F5: variants seen among roughly 807,000 people sequenced by gnomAD.
The protein encoded by F5 is coagulation factor V.
Under a neutral mutation model 216.4 loss-of-function variants are expected in F5, and 138 were observed. The ratio of observed to expected loss-of-function variants is 0.64; its 90% CI spans 0.56 to 0.73. F5 has a LOEUF of 0.73. Among genes scored for constraint, F5 ranks in the 30% least tolerant of loss-of-function variants. The pLI, the probability that F5 is intolerant of heterozygous loss-of-function variation, is 0.00. For synonymous variants in F5, 916 were observed against 930.7 expected, an observed-to-expected ratio of 0.98 and a Z score of 0.29; for missense variants, 2,403 against 2,674.0, an observed-to-expected ratio of 0.90 and a Z score of 2.24.
In F5 at chr1:169,530,853, T is replaced by A; in HGVS notation, c.5141A>T (p.Glu1714Val). The change falls in exon 15 of 25, where the codon GAG becomes GTG. Residue 1714 changes from glutamate (E) to valine (V), a missense_variant. Glu to Val is a moderately radical substitution (Grantham distance 121). Transcript: ENST00000367797. The stretch of plus-strand genomic sequence containing the variant: ...GCCAGGACTTTCTGGCCCTGATCGC[T>A]CAGTGGCATGCCATACGTAGGTATA... ...SSYTYVWHAT[E>V]RSGPESPGSA... 6.2e-7 allele frequency: 1 copy of A among 1,613,936 alleles called. No individual in the cohort carries two copies. The highest frequency in any genetic ancestry group is 8.5e-7 in the Non-Finnish European group (1 of 1,179,852).
chr1:169,554,998 A>G (rs1411374259), intron 7 of F5, among the ~76,000 whole-genome samples, 184 bp downstream of exon 7: 1 of 152,182 alleles, frequency 6.6e-6, no homozygotes, highest in Non-Finnish European at 1.5e-5. Context: ...TTTTATTATT[A>G]TTAGGCTGAA....
At chr1:169,543,292 G>A (rs1047919346) in intron 12 of F5, among the ~76,000 whole-genome samples, 178 bp from the exon 13 acceptor site, 1 of 152,162 alleles carries the variant, frequency 6.6e-6, no homozygotes, top group African/African-American at 2.4e-5. Flanking sequence ...AACACAAGGA[G>A]AGAAAAATGA....
At chr1:169,544,216 G>T in intron 12 of F5, 80 bp downstream of exon 12, 2 of 1,163,378 alleles carry the variant, frequency 1.7e-6, no homozygotes, top group East Asian at 2.4e-5. Flanking sequence ...AGCACTGGTA[G>T]CCTGGAGAGT....
intron 12 of F5, 40 bp downstream of exon 12, chr1:169,544,256 A>T: frequency 6.3e-7 from 1 of 1,585,674 alleles, no homozygotes; most frequent in Non-Finnish European, 8.7e-7. Flanking sequence ...CCAGAAATTC[A>T]AAGCAAGCTT....
intron 21 of F5, among the ~76,000 whole-genome samples, chr1:169,522,259 G>A (rs1659327437): frequency 6.6e-6 from 1 of 152,052 alleles, no homozygotes; most frequent in Admixed American, 6.6e-5. Context: ...AATATTTAAA[G>A]AATTATTACC....
At chr1:169,585,845 A>G (rs1300608604) in intron 1 of F5, among the ~76,000 whole-genome samples, 1 of 152,216 alleles carries the variant, frequency 6.6e-6, no homozygotes, top group African/African-American at 2.4e-5. Context: ...AGTCTCATAA[A>G]AATACTATAC....
intron 2 of F5, among the ~76,000 whole-genome samples, chr1:169,580,391 T>TTGTTG (rs1557934906): frequency 6.7e-6 from 1 of 148,600 alleles, no homozygotes; most frequent in African/African-American, 2.6e-5. Flanking sequence ...TGTTGTTGTT[T>TTGTTG]TTTTTTTTTT....
intron 13 of F5, among the ~76,000 whole-genome samples, chr1:169,537,396 C>T (rs1455933395): frequency 6.6e-6 from 1 of 152,080 alleles, no homozygotes; most frequent in Non-Finnish European, 1.5e-5. Context: ...TGCTAATGTC[C>T]ATTATTCTTA....
chr1:169,567,591 A>T (rs973241508), intron 3 of F5, among the ~76,000 whole-genome samples: 2 of 150,748 alleles, frequency 1.3e-5, no homozygotes, highest in Non-Finnish European at 2.9e-5. Flanking sequence ...CCTGCTCAAA[A>T]TTATCAGCAA....
Position 169,514,368 on chromosome 1 carries a change from G to A in F5, c.6620C>T (p.Thr2207Ile), listed in dbSNP as rs765502109. ...GCGAAGTGCAATACTTTGATTCCAT[G>A]TTTTAGGAATGACACGGATAAACCT... is the stretch of plus-strand genomic sequence containing the variant. ...ISRFIRVIPK[T>I]WNQSIALRLE... The change falls in exon 25 of 25, where the codon ACA becomes ATA. Residue 2207 changes from threonine to isoleucine, a missense_variant. This residue lies in a region of F5 where 659 missense variants were observed against 787.9 expected (regional missense o/e 0.84). Transcript: ENST00000367797. 1 of 1,613,320 alleles carries A rather than the reference G, an allele frequency of 6.2e-7. No homozygotes were observed. Among genetic ancestry groups the A allele is most frequent in the South Asian group, 1.1e-5 (1 of 91,076 alleles).
intron 17 of F5, 65 bp downstream of exon 17, chr1:169,527,850 G>A: frequency 1.3e-6 from 2 of 1,576,864 alleles, no homozygotes; most frequent in South Asian, 1.1e-5. Context: ...AAATGAGAAG[G>A]AGTTACAGAT....
chr1:169,516,776 G>A (rs2101802462), intron 23 of F5, among the ~76,000 whole-genome samples: 1 of 152,234 alleles, frequency 6.6e-6, no homozygotes, highest in South Asian at 2.1e-4. Context: ...TCTCTAAAGA[G>A]ACCATATAAA....
At position 169,546,601 on chromosome 1, in the gene F5, C is replaced by G; in HGVS notation, c.1612-9G>C. On this transcript the variant is annotated splice_polypyrimidine_tract_variant and intron_variant, in intron 10 of 24. Coordinates refer to ENST00000367797, the MANE Select transcript of F5 (RefSeq NM_000130.5). ...TCGATGTCTGCTGCCCTCTGGAGGA[C>G]AAAACAGTATAGTACTGGTACAAGA... The G allele has an allele frequency of 6.2e-7, 1 of 1,613,602 alleles. No individual in the cohort carries two copies. The highest frequency in any genetic ancestry group is 8.5e-7 in the Non-Finnish European group (1 of 1,179,632).
chr1:169,570,776 ATTATC>A, intron 3 of F5, among the ~76,000 whole-genome samples: 1 of 152,182 alleles, frequency 6.6e-6, no homozygotes, highest in Non-Finnish European at 1.5e-5. Context: ...TAATTGAAGA[ATTATC>A]TTTACTATCA....
rs532435743 is a variant in F5, at chr1:169,576,180, C to T, written c.251-3837G>A. Among the ~76,000 whole-genome samples the T allele has an allele frequency of 5.7e-3, 873 of 152,236 alleles. 7 individuals carry two copies. Among genetic ancestry groups the T allele is most frequent in the South Asian group, 0.023 (113 of 4,810 alleles). On this transcript the variant is annotated intron_variant, in intron 2 of 24. Transcript: ENST00000367797. ...AAACCCATTTTGGACTTCTCATCTGCAGATATATAATCATAAAAGAATAAA... is the reference window on the plus strand; with the variant it reads ...AAACCCATTTTGGACTTCTCATCTGTAGATATATAATCATAAAAGAATAAA...
intron 2 of F5, among the ~76,000 whole-genome samples, chr1:169,581,347 T>C (rs1660981503): frequency 1.3e-5 from 2 of 151,946 alleles, no homozygotes; most frequent in Admixed American, 1.3e-4. Context: ...GGAAGGAATA[T>C]AGGCGAAGAA....
intron 1 of F5, among the ~76,000 whole-genome samples, chr1:169,584,228 A>C (rs559385282): frequency 2.0e-5 from 3 of 152,218 alleles, no homozygotes; most frequent in African/African-American, 7.2e-5. Context: ...CTGTGTATTC[A>C]TACTGAGGTA....
chr1:169,583,016 A>T lies in F5; in HGVS notation c.159-494T>A, dbSNP rs545032166. Among the ~76,000 whole-genome samples, 7 of 152,344 alleles carry T rather than the reference A, an allele frequency of 4.6e-5. No individual in the cohort carries two copies. The East Asian group carries it at 1.2e-3, about 25-fold the overall frequency. ...ATGGGGTAAAAGCCCTGGGATTCAT[A>T]TTGGAAACAAACAAATGAAAAAACT... is the stretch of plus-strand genomic sequence containing the variant. On this transcript the variant is annotated intron_variant, in intron 1 of 24. Coordinates refer to ENST00000367797, the MANE Select transcript of F5 (RefSeq NM_000130.5).
chr1:169,521,615 A>ATGTTTTT (rs1659309390), intron 21 of F5, among the ~76,000 whole-genome samples: 1 of 106,268 alleles, frequency 9.4e-6, no homozygotes, highest in Non-Finnish European at 1.8e-5. Flanking sequence ...CTGTGAAAAG[A>ATGTTTTT]TTTTTTTTTT....
Sources: allele counts gnomAD v4.1 joint callset (sites outside exome capture counted in the v4.1 genomes callset), GRCh38; gene constraint gnomAD v4.1.1; regional missense constraint gnomAD v4.1.1; transcripts MANE v1.5; gene names NCBI Gene and HGNC (gene_info 2026-07-23, HGNC 2026-07-21).